Variants in ZNF609 observed in about 807,000 individuals in gnomAD.
ZNF609 encodes the protein zinc finger protein 609.
ZNF609 carries 11 observed loss-of-function variants against 109.5 expected under a neutral mutation model. The observed-to-expected ratio is 0.10, with a 90% CI of 0.06 to 0.17. ZNF609 has a LOEUF of 0.17. ZNF609 is among the 10% of genes least tolerant of loss of function. The probability of loss-of-function intolerance (pLI) is 1.00; values close to 1 mark genes in which losing one functional copy is unlikely to be tolerated. For missense variants in ZNF609, 1,559 were observed against 1,772.4 expected (o/e 0.88, Z 2.16); for synonymous variants, 646 against 662.0 (o/e 0.98, Z 0.37).
intron 5 of ZNF609, among the ~76,000 whole-genome samples, chr15:64,676,643 AG>A (rs1325218980): frequency 2.0e-5 from 3 of 152,016 alleles, no homozygotes; most frequent in Non-Finnish European, 4.4e-5. Context: ...CATCTTGGTC[AG>A]GCTGGTCTGG....
At chr15:64,671,945 C>T (rs73454991) in intron 4 of ZNF609, among the ~76,000 whole-genome samples, 7,435 of 150,980 alleles carry the variant, frequency 0.049, 597 homozygotes, top group African/African-American at 0.17. Flanking sequence ...TATTCTCTAC[C>T]GAGGGCTATT....
chr15:64,649,309 A>T (rs1045039639), intron 3 of ZNF609, among the ~76,000 whole-genome samples: 1 of 152,218 alleles, frequency 6.6e-6, no homozygotes, highest in African/African-American at 2.4e-5. Context: ...AGGCTTACTA[A>T]CGCTCCTTTT....
At chr15:64,484,452 C>T (rs782190) in intron 1 of ZNF609, among the ~76,000 whole-genome samples, 121,281 of 151,186 alleles carry the variant, frequency 0.8, 52,199 homozygotes, top group East Asian at 0.96. Flanking sequence ...CAGAGGTGGG[C>T]GGATCACGAG....
In ZNF609 at chr15:64,500,211, A is replaced by G. The variant is rs1893542226; in HGVS notation, c.747+45A>G. The G allele has an allele frequency of 4.4e-6, 7 of 1,595,598 alleles. No individual in the cohort carries two copies. The East Asian group carries it at 1.1e-4, about 26-fold the overall frequency. On this transcript the variant is annotated intron_variant, in intron 2 of 9. Transcript: ENST00000326648. ...GGCTGCCCACTGACTGCCAGTCAGA[A>G]CTGCCCTGGACTAACTGCCAAATAC...
At chr15:64,565,686 T>G (rs868483467) in intron 2 of ZNF609, among the ~76,000 whole-genome samples, 1 of 152,136 alleles carries the variant, frequency 6.6e-6, no homozygotes. Flanking sequence ...GTTAGGAAGA[T>G]TACTAGAATA....
At chr15:64,525,693 A>G (rs894422690) in intron 2 of ZNF609, among the ~76,000 whole-genome samples, 1 of 152,178 alleles carries the variant, frequency 6.6e-6, no homozygotes, top group Non-Finnish European at 1.5e-5. Flanking sequence ...AAATCTTCCA[A>G]TCCATGAACA....
Position 64,680,177 on chromosome 15 carries a change from T to C in ZNF609, c.3770-8T>C. ...ATCTCTTTGACTGTTTGATTTCTCC[T>C]TCCACAGGTTCCTACCTGCCTTCCA... On this transcript the variant is annotated splice_polypyrimidine_tract_variant and splice_region_variant and intron_variant, in intron 6 of 9. Coordinates refer to ENST00000326648, the MANE Select transcript of ZNF609 (RefSeq NM_015042.2). 6.2e-7 allele frequency: 1 copy of C among 1,613,850 alleles called. No individual in the cohort carries two copies. Among genetic ancestry groups the C allele is most frequent in the Non-Finnish European group, 8.5e-7 (1 of 1,179,766 alleles).
rs117316673 is a variant in ZNF609, at chr15:64,670,601, A to G, written c.1061+168A>G. On this transcript the variant is annotated intron_variant, in intron 4 of 9. Transcript: ENST00000326648. ...TGACATTCAAGAAGACTGAATGGCC[A>G]GGCGCGGTGGCTCACGCCTGTAATC... Among the ~76,000 whole-genome samples the G allele has an allele frequency of 4.7e-4, 72 of 152,294 alleles. 2 individuals are homozygous for G. In the East Asian group the frequency reaches 0.014, roughly 29 times the overall value.
At chr15:64,593,021 C>T (rs1022259229) in intron 2 of ZNF609, 13 of 1,582,564 alleles carry the variant, frequency 8.2e-6, no homozygotes, top group South Asian at 3.3e-5. Context: ...CAAAAAGGGC[C>T]GCGGCCACAT....
At chr15:64,501,650 A>C (rs900830948) in intron 2 of ZNF609, 1 of 152,224 alleles carries the variant, frequency 6.6e-6, no homozygotes, top group Non-Finnish European at 1.5e-5. Context: ...TTCCAGGCCC[A>C]TTAGACTGTT....
chr15:64,639,264 A>G (rs1896219855), intron 3 of ZNF609, among the ~76,000 whole-genome samples: 1 of 152,188 alleles, frequency 6.6e-6, no homozygotes, highest in Non-Finnish European at 1.5e-5. Context: ...TTAAGGTAAA[A>G]TCTGACTGAT....
At chr15:64,603,858 G>T (rs1160906075) in intron 2 of ZNF609, among the ~76,000 whole-genome samples, 1 of 151,726 alleles carries the variant, frequency 6.6e-6, no homozygotes, top group Non-Finnish European at 1.5e-5. Flanking sequence ...AAATAGCCAG[G>T]CATGCTGGCG....
At chr15:64,635,475 T>G (rs929803686) in intron 3 of ZNF609, among the ~76,000 whole-genome samples, 22 of 152,328 alleles carry the variant, frequency 1.4e-4, no homozygotes, top group African/African-American at 4.8e-4. Context: ...ATTTCCTTAT[T>G]TGTAAAATGA....
intron 4 of ZNF609, among the ~76,000 whole-genome samples, chr15:64,673,112 G>A (rs1053117944): frequency 6.6e-6 from 1 of 152,220 alleles, no homozygotes; most frequent in African/African-American, 2.4e-5. Flanking sequence ...GGAGCTGAGT[G>A]AGTAGGTTGA....
At chr15:64,509,176 A>G (rs1349934890) in intron 2 of ZNF609, among the ~76,000 whole-genome samples, 1 of 152,176 alleles carries the variant, frequency 6.6e-6, no homozygotes, top group African/African-American at 2.4e-5. Context: ...ATCCTTATAT[A>G]TCTTTAACTC....
Position 64,673,987 on chromosome 15 carries a change from A to G in ZNF609, c.1133A>G (p.Asn378Ser). 2 of 1,614,134 alleles carry G rather than the reference A, an allele frequency of 1.2e-6. No individual in the cohort carries two copies. The highest frequency in any genetic ancestry group is 1.3e-5 in the African/African-American group (1 of 75,012). Residue 378 changes from asparagine to serine, a missense_variant, in exon 5 of 10, where the codon AAC becomes AGC. By Grantham distance (46) the Asn-to-Ser change is conservative (BLOSUM62 1). Coordinates refer to ENST00000326648, the MANE Select transcript of ZNF609 (RefSeq NM_015042.2). ...GRGRGKRMRP[N>S]SNTPVNETAT... ...GGTAGAGGCAAACGCATGCGTCCCA[A>G]CAGTAATACACCTGTCAATGAGACA... is the stretch of plus-strand genomic sequence containing the variant.
At chr15:64,539,590 G>A (rs375951406) in intron 2 of ZNF609, among the ~76,000 whole-genome samples, 1 of 151,824 alleles carries the variant, frequency 6.6e-6, no homozygotes, top group African/African-American at 2.4e-5. Flanking sequence ...TGCAACCTCC[G>A]ACTCCCCGGT....
intron 2 of ZNF609, among the ~76,000 whole-genome samples, chr15:64,612,516 T>C (rs1380245190): frequency 2.6e-5 from 4 of 152,132 alleles, no homozygotes; most frequent in African/African-American, 7.2e-5. Context: ...TTTTATCTTT[T>C]TCCTCCTTGC....
rs72742982 is a variant in ZNF609, at chr15:64,684,856, C to T, written c.*3170C>T. On this transcript the variant is annotated 3_prime_UTR_variant, in exon 10 of 10. Transcript: ENST00000326648. ...GCTAGTTGGCCCCATAATTCTGGGC[C>T]TTTGTTGTTTGTTTTAATTACTTGG... is the stretch of plus-strand genomic sequence containing the variant. The T allele has an allele frequency of 0.048, 7,365 of 152,712 alleles. 238 individuals carry two copies. Among genetic ancestry groups the T allele is most frequent in the South Asian group, 0.086 (415 of 4,820 alleles). The allele number at this position is 152,712 out of a possible 1,614,324, so 9.5% of individuals were successfully genotyped here.
Sources: gnomAD v4.1 joint callset for allele counts (sites outside exome capture counted in the v4.1 genomes callset) on GRCh38, gnomAD v4.1.1 for gene constraint, MANE v1.5 for transcripts, NCBI Gene and HGNC (gene_info 2026-07-23, HGNC 2026-07-21) for gene names.